Variants in FOXK1 observed in about 807,000 individuals in gnomAD.
FOXK1 encodes the protein forkhead box K1.
A neutral mutation model predicts 51.9 loss-of-function variants in FOXK1; 19 were observed. The observed-to-expected ratio is 0.37, with a 90% CI of 0.26 to 0.54. The LOEUF is 0.54. Among genes scored for constraint, FOXK1 ranks in the 20% least tolerant of loss-of-function variants. The pLI is 0.87. For missense variants in FOXK1, 870 were observed against 1,032.7 expected (o/e 0.84, Z 2.16); for synonymous variants, 537 against 482.6 (o/e 1.11, Z -1.48).
At chr7:4,693,132 A>G (rs1372870667) in intron 1 of FOXK1, among the ~76,000 whole-genome samples, 1 of 152,190 alleles carries the variant, frequency 6.6e-6, no homozygotes, top group Admixed American at 6.5e-5. Context: ...GTGATTTTGT[A>G]ACATCATACA....
intron 1 of FOXK1, among the ~76,000 whole-genome samples, chr7:4,719,172 G>C (rs181405938): frequency 4.7e-5 from 7 of 149,188 alleles, no homozygotes; most frequent in African/African-American, 1.7e-4. Flanking sequence ...GTCTCACTCT[G>C]TTGCCCAGCT....
intron 1 of FOXK1, among the ~76,000 whole-genome samples, chr7:4,725,345 G>T (rs557471258): frequency 2.6e-5 from 4 of 152,368 alleles, no homozygotes; most frequent in African/African-American, 9.6e-5. Context: ...CTGACCGGGG[G>T]CGCTGCTTTT....
At chr7:4,739,713 C>T (rs1313960804) in intron 1 of FOXK1, among the ~76,000 whole-genome samples, 1 of 152,258 alleles carries the variant, frequency 6.6e-6, no homozygotes, top group East Asian at 1.9e-4. Context: ...ATAATGCACG[C>T]TCTCTGCGAC....
chr7:4,736,767 A>G lies in FOXK1; in HGVS notation c.561-4071A>G, dbSNP rs190301004. Among the ~76,000 whole-genome samples, 456 of 152,274 alleles carry G rather than the reference A, an allele frequency of 3.0e-3. 3 individuals carry two copies. The highest frequency in any genetic ancestry group is 0.01 in the African/African-American group (436 of 41,556). Reference sequence around the variant, plus strand: ...CTTTGAGATGGTGTCTTCTATTCCAACCATTCTGTTTTATTAGCAAAGATC... The same window carrying G: ...CTTTGAGATGGTGTCTTCTATTCCAGCCATTCTGTTTTATTAGCAAAGATC... On this transcript the variant is annotated intron_variant, in intron 1 of 8. Coordinates refer to ENST00000328914, the MANE Select transcript of FOXK1 (RefSeq NM_001037165.2).
At chr7:4,714,929 C>T (rs1483323834) in intron 1 of FOXK1, among the ~76,000 whole-genome samples, 1 of 152,118 alleles carries the variant, frequency 6.6e-6, no homozygotes. Flanking sequence ...GGGAAGTCTG[C>T]GTGCACGTGG....
Position 4,758,926 on chromosome 7 carries a change from G to A in FOXK1, c.1245-125G>A, listed in dbSNP as rs554575225. On this transcript the variant is annotated intron_variant, in intron 5 of 8. Transcript: ENST00000328914. The surrounding 1 kb of genome is among the most constrained non-coding windows in gnomAD (Gnocchi z 4.4). ...GGGGCGTTTCTCACCGTCTGAATGCGGAGGACAGAGACGAGCTCCAGGGAG... is the reference window on the plus strand; with the variant it reads ...GGGGCGTTTCTCACCGTCTGAATGCAGAGGACAGAGACGAGCTCCAGGGAG... 2.8e-5 allele frequency: 29 copies of A among 1,031,256 alleles called. No individual in the cohort carries two copies. The East Asian group carries it at 4.9e-4, about 17-fold the overall frequency. 63.9% of individuals were successfully genotyped at this position (1,031,256 alleles called of 1,614,324 possible).
Position 4,733,979 on chromosome 7 carries a change from C to T in FOXK1, c.561-6859C>T, listed in dbSNP as rs144723908. Among the ~76,000 whole-genome samples the T allele has an allele frequency of 1.3e-3, 205 of 152,312 alleles. 3 individuals carry two copies. The East Asian group carries it at 0.025, about 18-fold the overall frequency. ...TCATCTGGGTGGCAGGTGCTGGCCA[C>T]GTGGAGTCTGCCCTCCACGTGCCGT... On this transcript the variant is annotated intron_variant, in intron 1 of 8. Coordinates refer to ENST00000328914, the MANE Select transcript of FOXK1 (RefSeq NM_001037165.2). The surrounding 1 kb of genome is among the most constrained non-coding windows in gnomAD (Gnocchi z 5.0).
intron 1 of FOXK1, among the ~76,000 whole-genome samples, chr7:4,717,861 G>A (rs377399262): frequency 5.3e-4 from 81 of 152,324 alleles, no homozygotes; most frequent in African/African-American, 1.9e-3. Flanking sequence ...TGTGTTGCCC[G>A]CGTCTTTGGG....
chr7:4,762,458 G>T lies in FOXK1; in HGVS notation c.2196G>T (p.Gly732=), dbSNP rs1033687239. Residue 732 remains glycine, a synonymous_variant, in exon 9 of 9, where the codon GGG becomes GGT. Transcript: ENST00000328914. This position sits in a 1 kb window ranked among gnomAD's most constrained non-coding sequence, Gnocchi z 5.7. The part of the protein sequence containing the change: ...AAAGPQGPGT[G]E Reference sequence around the variant, plus strand: ...CCGGCCCCCAGGGGCCAGGCACCGGGGAGTGAGGTCACCTGCAACGCGGGG... The same window carrying T: ...CCGGCCCCCAGGGGCCAGGCACCGGTGAGTGAGGTCACCTGCAACGCGGGG... 1.3e-6 allele frequency: 2 copies of T among 1,541,460 alleles called. No individual in the cohort carries two copies. Among genetic ancestry groups the T allele is most frequent in the Non-Finnish European group, 1.8e-6 (2 of 1,141,284 alleles).
chr7:4,765,374 T>C lies in FOXK1; in HGVS notation c.*2910T>C, dbSNP rs1423822973. ...GCAAGCGCCTCCCAGCCAGGCGCTT[T>C]CGCAGAAGCAAGAGCACAGGCCAGG... On this transcript the variant is annotated 3_prime_UTR_variant, in exon 9 of 9. Transcript: ENST00000328914. 1.3e-5 allele frequency: 2 copies of C among 152,240 alleles called. No individual in the cohort carries two copies. Among genetic ancestry groups the C allele is most frequent in the African/African-American group, 4.8e-5 (2 of 41,444 alleles). The allele number at this position is 152,240 out of a possible 1,614,324, so 9.4% of individuals were successfully genotyped here.
chr7:4,769,000 C>A lies in FOXK1; in HGVS notation c.*6536C>A, dbSNP rs1781057167. 6.6e-6 allele frequency: 1 copy of A among 152,188 alleles called. No individual in the cohort carries two copies. 9.4% of individuals were successfully genotyped at this position (152,188 alleles called of 1,614,324 possible). ...CTGGCATTTTCCTTGTATTTTTGTGCAGGGCTGAAGTGAGCGTTCCTCCTC... is the reference window on the plus strand; with the variant it reads ...CTGGCATTTTCCTTGTATTTTTGTGAAGGGCTGAAGTGAGCGTTCCTCCTC... On this transcript the variant is annotated 3_prime_UTR_variant, in exon 9 of 9. Coordinates refer to ENST00000328914, the MANE Select transcript of FOXK1 (RefSeq NM_001037165.2).
At chr7:4,732,841 C>T (rs949984127) in intron 1 of FOXK1, among the ~76,000 whole-genome samples, 36 of 152,226 alleles carry the variant, frequency 2.4e-4, no homozygotes, top group African/African-American at 7.7e-4. Context: ...CTGCGCTGCA[C>T]GCCCCTTACA....
intron 1 of FOXK1, among the ~76,000 whole-genome samples, chr7:4,684,159 C>T (rs1235672217): frequency 6.6e-6 from 1 of 152,180 alleles, no homozygotes; most frequent in Non-Finnish European, 1.5e-5. Context: ...CAGGAGAAAG[C>T]CTGTTTAATT....
rs745998025 is a variant in FOXK1 at position 4,740,818 on chromosome 7, C to T, written c.561-20C>T. 21 of 1,588,022 alleles carry T rather than the reference C, an allele frequency of 1.3e-5. No homozygotes were observed. The highest frequency in any genetic ancestry group is 3.6e-5 in the Admixed American group (2 of 55,740). ...TGAGTCTCCTCCTGCACCTCACACC[C>T]GCTCCTCCTCCTGTTGCAGGTGTAC... On this transcript the variant is annotated intron_variant, in intron 1 of 8. Coordinates refer to ENST00000328914, the MANE Select transcript of FOXK1 (RefSeq NM_001037165.2).
At position 4,764,225 on chromosome 7, in the gene FOXK1, G is replaced by A. The variant is rs967695636; in HGVS notation, c.*1761G>A. 1.3e-5 allele frequency: 2 copies of A among 154,480 alleles called. No individual in the cohort carries two copies. The highest frequency in any genetic ancestry group is 4.8e-5 in the African/African-American group (2 of 41,542). 9.6% of individuals were successfully genotyped at this position (154,480 alleles called of 1,614,324 possible). On this transcript the variant is annotated 3_prime_UTR_variant, in exon 9 of 9. Transcript: ENST00000328914. ...GTCCCCGTCCCCCAGGACAAGTGCA[G>A]AACCTCTGTGGGCCCCCTCCTTCCA...
Position 4,769,419 on chromosome 7 carries a change from G to C in FOXK1, c.*6955G>C, listed in dbSNP as rs56115204. On this transcript the variant is annotated 3_prime_UTR_variant, in exon 9 of 9. Coordinates refer to ENST00000328914, the MANE Select transcript of FOXK1 (RefSeq NM_001037165.2). The surrounding 1 kb of genome is among the most constrained non-coding windows in gnomAD (Gnocchi z 4.1). ...AGAGGCTGCCAAAGGTGACTGAAGC[G>C]GTCTCCAAGTCACTCTGTCACCACT... 1 of 151,898 alleles carries C rather than the reference G, an allele frequency of 6.6e-6. No individual in the cohort carries two copies. The allele number at this position is 151,898 out of a possible 1,614,324, so 9.4% of individuals were successfully genotyped here. A position where few individuals can be genotyped will look rare whatever the true frequency, so the allele number is the denominator to read the frequency against.
At chr7:4,750,477 C>G (rs143771612) in intron 2 of FOXK1, among the ~76,000 whole-genome samples, 2,589 of 151,170 alleles carry the variant, frequency 0.017, 30 homozygotes, top group Middle Eastern at 0.044. Context: ...GAATCTCGCT[C>G]TGTCGCCCAG....
Position 4,770,913 on chromosome 7 carries a change from T to C in FOXK1, c.*8449T>C, listed in dbSNP as rs1300293218. On this transcript the variant is annotated 3_prime_UTR_variant, in exon 9 of 9. Coordinates refer to ENST00000328914, the MANE Select transcript of FOXK1 (RefSeq NM_001037165.2). ...TGTGTGTGTGTGTGTATTTTTTTTT[T>C]TACAGTGGCGCCTGTCTAAAGTATT... The C allele has an allele frequency of 6.7e-6, 1 of 150,306 alleles. No homozygotes were observed. Among genetic ancestry groups the C allele is most frequent in the Non-Finnish European group, 1.5e-5 (1 of 67,916 alleles). The allele number at this position is 150,306 out of a possible 1,614,324, so 9.3% of individuals were successfully genotyped here.
rs1214888869 is a variant in FOXK1, at chr7:4,711,854, C to T, written c.561-28984C>T. Among the ~76,000 whole-genome samples, 5 of 152,016 alleles carry T rather than the reference C, an allele frequency of 3.3e-5. No individual in the cohort carries two copies. Among genetic ancestry groups the T allele is most frequent in the African/African-American group, 4.8e-5 (2 of 41,374 alleles). On this transcript the variant is annotated intron_variant, in intron 1 of 8. Coordinates refer to ENST00000328914, the MANE Select transcript of FOXK1 (RefSeq NM_001037165.2). The surrounding 1 kb of genome is among the most constrained non-coding windows in gnomAD (Gnocchi z 6.3). ...AGATTGCGGCCGGCCGGTGTCAAGG[C>T]GGGGGACCTGTGAGCTGGGCCTGGA...
Sources: allele counts gnomAD v4.1 joint callset (sites outside exome capture counted in the v4.1 genomes callset), GRCh38; gene constraint gnomAD v4.1.1; non-coding constraint Gnocchi (gnomAD v3.1); transcripts MANE v1.5; gene names NCBI Gene and HGNC (gene_info 2026-07-23, HGNC 2026-07-21).